Variants in LMTK2 observed in about 807,000 individuals in gnomAD.
The protein encoded by LMTK2 is lemur tail kinase 2.
A neutral mutation model predicts 127.5 loss-of-function variants in LMTK2; 37 were observed. The ratio of observed to expected loss-of-function variants is 0.29; its 90% CI spans 0.22 to 0.38. The LOEUF (loss-of-function observed/expected upper bound fraction) is 0.38, where lower values mean the gene tolerates loss of function less well. Ranked by LOEUF, LMTK2 falls within the 10% of genes least tolerant of loss-of-function variation. The pLI is 1.00. For synonymous variants in LMTK2, 819 were observed against 810.1 expected (o/e 1.01, Z -0.19); for missense variants, 1,694 against 1,920.3 (o/e 0.88, Z 2.20).
At chr7:98,163,004 T>C (rs561815960) in intron 6 of LMTK2, among the ~76,000 whole-genome samples, 23 of 152,154 alleles carry the variant, frequency 1.5e-4, no homozygotes, top group Non-Finnish European at 2.8e-4. Context: ...AAGGCCATTA[T>C]GGGAAGTGAA....
intron 6 of LMTK2, among the ~76,000 whole-genome samples, chr7:98,165,484 T>C (rs1422747804): frequency 1.3e-5 from 2 of 152,182 alleles, no homozygotes; most frequent in Non-Finnish European, 2.9e-5. Context: ...AATTTTATTC[T>C]ATTGTTTTTA....
At chr7:98,119,303 A>C (rs1796330025) in intron 1 of LMTK2, among the ~76,000 whole-genome samples, 1 of 152,156 alleles carries the variant, frequency 6.6e-6, no homozygotes, top group Non-Finnish European at 1.5e-5. Flanking sequence ...GACTTGTGTA[A>C]CTAGTGAGAA....
intron 2 of LMTK2, among the ~76,000 whole-genome samples, chr7:98,140,123 T>G (rs140084937): frequency 0.16 from 798 of 5,038 alleles, 75 homozygotes; most frequent in East Asian, 0.38. Flanking sequence ...TCTTTCTTTC[T>G]TTCTTTCTTT....
intron 3 of LMTK2, among the ~76,000 whole-genome samples, chr7:98,143,217 G>A (rs1013031525): frequency 1.6e-4 from 25 of 152,196 alleles, no homozygotes; most frequent in Admixed American, 6.5e-5. Flanking sequence ...TCCGTAGGAA[G>A]AAATTATTTT....
At chr7:98,164,739 C>T (rs1281968239) in intron 6 of LMTK2, among the ~76,000 whole-genome samples, 1 of 152,056 alleles carries the variant, frequency 6.6e-6, no homozygotes, top group East Asian at 1.9e-4. Context: ...TGGGAAGGCT[C>T]AAGTGGAAGG....
At position 98,117,288 on chromosome 7, in the gene LMTK2, C is replaced by T. The variant is rs1033611653; in HGVS notation, c.103+10008C>T. The stretch of plus-strand genomic sequence containing the variant: ...CCTTCCCTTTCCTTGACAGGTCTTG[C>T]TCTGTAGTCCAAACTGGAGTGCAGT... On this transcript the variant is annotated intron_variant, in intron 1 of 13. Transcript: ENST00000297293. 5.3e-5 allele frequency among the ~76,000 whole-genome samples: 8 copies of T among 152,156 alleles called. No individual in the cohort carries two copies. The East Asian group carries it at 1.5e-3, about 29-fold the overall frequency.
rs777310581 is a variant in LMTK2 at position 98,192,436 on chromosome 7, A to G, written c.1971A>G (p.Leu657=). 3.1e-6 allele frequency: 5 copies of G among 1,613,294 alleles called. No homozygotes were observed. Among genetic ancestry groups the G allele is most frequent in the Non-Finnish European group, 3.4e-6 (4 of 1,179,890 alleles). Residue 657 remains leucine, a synonymous_variant, in exon 11 of 14, where the codon TTA becomes TTG. Transcript: ENST00000297293. ...AAAAAATATTCGACTTAATGGAATT[A>G]AACGGAGTTCAAGCCGACTTTAAAC... The part of the protein sequence containing the change: ...SHQKIFDLME[L]NGVQADFKPA...
intron 11 of LMTK2, among the ~76,000 whole-genome samples, chr7:98,202,513 G>T (rs1056053517): frequency 5.3e-5 from 8 of 152,154 alleles, no homozygotes; most frequent in Non-Finnish European, 1.2e-4. Context: ...ATCATGTTAG[G>T]CAGTCTGTGC....
chr7:98,155,634 C>T (rs943498107), intron 5 of LMTK2, among the ~76,000 whole-genome samples: 3 of 152,160 alleles, frequency 2.0e-5, no homozygotes, highest in Non-Finnish European at 4.4e-5. Context: ...GGAATCAGCA[C>T]GTTTGTCACT....
intron 10 of LMTK2, 89 bp downstream of exon 10, chr7:98,190,966 G>C: frequency 8.1e-7 from 1 of 1,238,156 alleles, no homozygotes; most frequent in South Asian, 1.3e-5. Flanking sequence ...CAAATATTAT[G>C]TTTCTTCATT....
chr7:98,158,650 C>T (rs1308261612), intron 5 of LMTK2, among the ~76,000 whole-genome samples: 1 of 151,972 alleles, frequency 6.6e-6, no homozygotes, highest in Non-Finnish European at 1.5e-5. Flanking sequence ...CAGTTTTTTA[C>T]ATAGCATTTA....
intron 6 of LMTK2, among the ~76,000 whole-genome samples, chr7:98,161,126 C>T (rs570806513): frequency 9.9e-5 from 15 of 151,610 alleles, no homozygotes; most frequent in Non-Finnish European, 1.3e-4. Flanking sequence ...TTTTTTGTAC[C>T]CGTTACAATT....
chr7:98,130,106 A>G (rs965329421), intron 1 of LMTK2, among the ~76,000 whole-genome samples: 1 of 152,074 alleles, frequency 6.6e-6, no homozygotes, highest in Non-Finnish European at 1.5e-5. Context: ...GTGGTGGAAG[A>G]TATGAGAATG....
chr7:98,157,738 C>T (rs996888757), intron 5 of LMTK2, among the ~76,000 whole-genome samples: 5 of 150,566 alleles, frequency 3.3e-5, no homozygotes, highest in South Asian at 2.1e-4. Context: ...CTCAAAAGGT[C>T]ACATACTATA....
At chr7:98,136,920 T>A (rs1213004894) in intron 1 of LMTK2, among the ~76,000 whole-genome samples, 1 of 152,144 alleles carries the variant, frequency 6.6e-6, no homozygotes, top group East Asian at 1.9e-4. Context: ...AATGCAACGT[T>A]GGTAGTTTGG....
intron 1 of LMTK2, among the ~76,000 whole-genome samples, chr7:98,122,675 A>C (rs968238691): frequency 7.0e-6 from 1 of 142,488 alleles, no homozygotes; most frequent in Non-Finnish European, 1.5e-5. Flanking sequence ...ATAACTCTAC[A>C]TGGTGTGTGT....
rs1797532968 is a variant in LMTK2, at chr7:98,191,977, C to T, written c.1512C>T (p.Phe504=). The T allele has an allele frequency of 6.2e-7, 1 of 1,614,022 alleles. No homozygotes were observed. Residue 504 remains phenylalanine, a synonymous_variant, in exon 11 of 14, where the codon TTC becomes TTT. Transcript: ENST00000297293. The part of the protein sequence containing the change: ...LDEGLSYTSI[F]YPVEVFESSL... ...AAGGCTTGTCCTACACGAGCATCTTCTATCCGGTTGAAGTTTTTGAGAGTT... is the reference window on the plus strand; with the variant it reads ...AAGGCTTGTCCTACACGAGCATCTTTTATCCGGTTGAAGTTTTTGAGAGTT...
chr7:98,186,350 C>T (rs1349579157), intron 8 of LMTK2, among the ~76,000 whole-genome samples: 6 of 152,024 alleles, frequency 3.9e-5, no homozygotes, highest in Admixed American at 6.6e-5. Flanking sequence ...CGTGAGCCAC[C>T]GAGCCCGGCC....
intron 8 of LMTK2, 48 bp from the exon 9 acceptor site, chr7:98,186,829 C>A: frequency 1.3e-6 from 2 of 1,553,974 alleles, no homozygotes; most frequent in Non-Finnish European, 1.8e-6. Flanking sequence ...TTGAACTCAC[C>A]AAAAGTATAA....
Sources: gnomAD v4.1 joint callset for allele counts (sites outside exome capture counted in the v4.1 genomes callset) on GRCh38, gnomAD v4.1.1 for gene constraint, MANE v1.5 for transcripts, NCBI Gene and HGNC (gene_info 2026-07-23, HGNC 2026-07-21) for gene names.